Variants in SYT10 observed in about 807,000 individuals in gnomAD.
SYT10 encodes synaptotagmin-10.
SYT10 carries 31 observed loss-of-function variants against 51.1 expected under a neutral mutation model. The observed-to-expected ratio is 0.61, with a 90% CI of 0.46 to 0.82. SYT10 has a LOEUF of 0.82. SYT10 is among the 40% of genes least tolerant of loss of function. The probability of loss-of-function intolerance (pLI) is 0.00; values close to 1 mark genes in which losing one functional copy is unlikely to be tolerated. For missense variants in SYT10, 603 were observed against 634.0 expected (o/e 0.95, Z 0.53); for synonymous variants, 233 against 225.9 (o/e 1.03, Z -0.28).
In SYT10 at chr12:33,432,219, A is replaced by G. The variant is rs150926327; in HGVS notation, c.152-5724T>C. 1.1e-4 allele frequency: 16 copies of G among 152,226 alleles called. No individual in the cohort carries two copies. In the East Asian group the frequency reaches 3.1e-3, roughly 29 times the overall value. The allele number at this position is 152,226 out of a possible 1,614,324, so 9.4% of individuals were successfully genotyped here. ...GCATTGTGCCATAGTTTATTTGGCA[A>G]CATTCTCTTTCCTTTCTTGGTGCCA... On this transcript the variant is annotated intron_variant, in intron 1 of 6. Transcript: ENST00000228567.
chr12:33,404,532 C>A (rs1474674060), intron 3 of SYT10, among the ~76,000 whole-genome samples: 2 of 152,134 alleles, frequency 1.3e-5, no homozygotes, highest in African/African-American at 4.8e-5. Flanking sequence ...GCTGGGATTA[C>A]AGGCATGTGA....
intron 1 of SYT10, among the ~76,000 whole-genome samples, chr12:33,430,894 TATA>T (rs954045419): frequency 1.1e-4 from 16 of 152,184 alleles, no homozygotes; most frequent in Admixed American, 4.6e-4. Context: ...ATATTACCAT[TATA>T]ATAATTAGGG....
At chr12:33,429,201 T>C (rs1054877983) in intron 1 of SYT10, among the ~76,000 whole-genome samples, 2 of 152,246 alleles carry the variant, frequency 1.3e-5, no homozygotes, top group African/African-American at 4.8e-5. Flanking sequence ...ATTGGATTGC[T>C]TCTTTCTTTG....
chr12:33,385,388 GT>G (rs1866149135), intron 3 of SYT10, 97 bp from the exon 4 acceptor site: 2 of 1,485,106 alleles, frequency 1.3e-6, no homozygotes, highest in Non-Finnish European at 1.8e-6. Context: ...ATTTTAAATT[GT>G]TTTATTGAGG....
chr12:33,396,249 A>T (rs1866254884), intron 3 of SYT10, among the ~76,000 whole-genome samples: 2 of 152,188 alleles, frequency 1.3e-5, no homozygotes, highest in East Asian at 3.8e-4. Flanking sequence ...GATTTTATTT[A>T]TATACAATTA....
intron 3 of SYT10, among the ~76,000 whole-genome samples, chr12:33,390,962 G>A (rs1478679966): frequency 7.2e-5 from 11 of 151,868 alleles, no homozygotes; most frequent in Non-Finnish European, 1.3e-4. Flanking sequence ...TTTTTGAGAC[G>A]GAGTCTCCCT....
chr12:33,439,022 G>A (rs1866660692), intron 1 of SYT10, among the ~76,000 whole-genome samples: 1 of 152,226 alleles, frequency 6.6e-6, no homozygotes, highest in South Asian at 2.1e-4. Flanking sequence ...GCCGCGAGCC[G>A]TCCCGGCGCC....
chr12:33,380,027 G>A (rs954917605), intron 5 of SYT10, 66 bp from the exon 6 acceptor site: 32 of 1,501,908 alleles, frequency 2.1e-5, no homozygotes, highest in Admixed American at 1.0e-4. Flanking sequence ...TTCACAAATC[G>A]TAGTAGAATT....
chr12:33,383,814 G>T (rs537377516), intron 4 of SYT10, among the ~76,000 whole-genome samples: 32 of 152,208 alleles, frequency 2.1e-4, no homozygotes, highest in Admixed American at 6.5e-4. Flanking sequence ...CAAAGCATGC[G>T]CTCCTCCGAT....
intron 4 of SYT10, 101 bp downstream of exon 4, chr12:33,385,070 C>A: frequency 7.2e-7 from 1 of 1,390,022 alleles, no homozygotes; most frequent in Non-Finnish European, 9.7e-7. Flanking sequence ...TGTAGTACTC[C>A]CATTATAGGC....
intron 2 of SYT10, among the ~76,000 whole-genome samples, chr12:33,421,859 A>G (rs972261828): frequency 6.6e-6 from 1 of 152,156 alleles, no homozygotes; most frequent in Non-Finnish European, 1.5e-5. Flanking sequence ...CATAAAAACG[A>G]GGTTGTTATT....
At chr12:33,388,935 A>G (rs1391440242) in intron 3 of SYT10, among the ~76,000 whole-genome samples, 1 of 152,222 alleles carries the variant, frequency 6.6e-6, no homozygotes, top group Non-Finnish European at 1.5e-5. Flanking sequence ...ATCAAGCTGT[A>G]GCAATGGAGT....
intron 2 of SYT10, among the ~76,000 whole-genome samples, chr12:33,424,230 G>C (rs1056084462): frequency 1.3e-5 from 2 of 152,006 alleles, no homozygotes; most frequent in African/African-American, 4.8e-5. Flanking sequence ...CTTTGCTCAC[G>C]TGTTTTCATT....
intron 2 of SYT10, among the ~76,000 whole-genome samples, chr12:33,420,037 C>A (rs1268338118): frequency 2.0e-5 from 3 of 152,138 alleles, no homozygotes; most frequent in Non-Finnish European, 1.5e-5. Context: ...TTCTGACTCT[C>A]ATGAGCTTAC....
intron 3 of SYT10, among the ~76,000 whole-genome samples, chr12:33,400,911 G>C (rs919665680): frequency 5.9e-5 from 9 of 151,866 alleles, no homozygotes; most frequent in African/African-American, 2.2e-4. Context: ...TGTAATACCA[G>C]CTAATTCAGG....
chr12:33,398,373 C>T (rs7314754), intron 3 of SYT10, among the ~76,000 whole-genome samples: 92,819 of 151,348 alleles, frequency 0.61, 29,631 homozygotes, highest in East Asian at 0.89. Context: ...ATTAGCCGAG[C>T]GTGGTGGTGG....
intron 3 of SYT10, among the ~76,000 whole-genome samples, chr12:33,398,751 T>C (rs1398302473): frequency 2.6e-5 from 4 of 152,174 alleles, no homozygotes; most frequent in Non-Finnish European, 4.4e-5. Context: ...ATATATCCTA[T>C]GGCATATATG....
intron 2 of SYT10, among the ~76,000 whole-genome samples, chr12:33,409,781 A>G (rs1591991178): frequency 1.3e-5 from 2 of 152,258 alleles, no homozygotes; most frequent in Admixed American, 1.3e-4. Context: ...GTGACCATCC[A>G]TAAGTGAGAT....
rs1476301433 is a variant in SYT10 at position 33,382,350 on chromosome 12, T to C, written c.1369A>G (p.Arg457Gly). 2.5e-6 allele frequency: 4 copies of C among 1,592,852 alleles called. No individual in the cohort carries two copies. Among genetic ancestry groups the C allele is most frequent in the Admixed American group, 1.8e-5 (1 of 57,142 alleles). Reference protein sequence around the residue: ...SLSIAVMDYDRVGHNEVIGVC... With the variant: ...SLSIAVMDYDGVGHNEVIGVC... Reference sequence around the variant, plus strand: ...CAGTGAGAAGAGAGATACACATACCTATCGTAATCCATGACCGCAATGGAG... The same window carrying C: ...CAGTGAGAAGAGAGATACACATACCCATCGTAATCCATGACCGCAATGGAG... Residue 457 changes from arginine to glycine, a missense_variant and splice_region_variant, in exon 5 of 7, where the codon AGG (arginine) becomes GGG (glycine). Physicochemically the swap from Arg to Gly is moderately radical, Grantham distance 125 (BLOSUM62 -2). Transcript: ENST00000228567.
Sources: gnomAD v4.1 joint callset for allele counts (sites outside exome capture counted in the v4.1 genomes callset) on GRCh38, gnomAD v4.1.1 for gene constraint, MANE v1.5 for transcripts, NCBI Gene and HGNC (gene_info 2026-07-23, HGNC 2026-07-21) for gene names.